The following MIPEP variants were observed in gnomAD, a reference collection of about 807,000 sequenced individuals.
MIPEP encodes the protein mitochondrial intermediate peptidase.
Under a neutral mutation model 90.3 loss-of-function variants are expected in MIPEP, and 79 were observed. The observed-to-expected ratio is 0.87, with a 90% confidence interval of 0.73 to 1.05. The LOEUF is 1.05. MIPEP is among the 50% of genes least tolerant of loss of function. MIPEP has a pLI of 0.00. For synonymous variants in MIPEP, 334 were observed against 315.8 expected (o/e 1.06, Z -0.61); for missense variants, 940 against 905.6 (o/e 1.04, Z -0.49).
chr13:23,746,701 C>T (rs1039057076), intron 18 of MIPEP, among the ~76,000 whole-genome samples: 3 of 151,474 alleles, frequency 2.0e-5, no homozygotes, highest in South Asian at 2.1e-4. Flanking sequence ...TCAAAAACAT[C>T]TTATGATGTT....
chr13:23,750,279 C>T (rs753435868), intron 18 of MIPEP, among the ~76,000 whole-genome samples: 2 of 152,128 alleles, frequency 1.3e-5, no homozygotes, highest in South Asian at 2.1e-4. Flanking sequence ...AGTCAGATTG[C>T]CCTGGTACGA....
chr13:23,813,462 T>C (rs898310051), intron 14 of MIPEP, among the ~76,000 whole-genome samples: 5 of 152,202 alleles, frequency 3.3e-5, no homozygotes, highest in Non-Finnish European at 5.9e-5. Context: ...ATAGTTGTTA[T>C]AGTGTATGTT....
At position 23,805,969 on chromosome 13, in the gene MIPEP, A is replaced by G; in HGVS notation, c.1829T>C (p.Leu610Pro). The change falls in exon 16 of 19, where the codon CTA becomes CCA. Residue 610 changes from leucine (L) to proline (P), a missense_variant. By Grantham distance (98) the Leu-to-Pro change is moderately conservative (BLOSUM62 -3). Transcript: ENST00000382172. ...LKETQEKFYG[L>P]PYVPNTAWQL... ...ACTCACAGTATTTGGAACATATGGTAGGCCATAGAATTTCTCTTGTGTTTC... is the reference window on the plus strand; with the variant it reads ...ACTCACAGTATTTGGAACATATGGTGGGCCATAGAATTTCTCTTGTGTTTC... The G allele has an allele frequency of 1.9e-6, 3 of 1,614,014 alleles. No individual in the cohort carries two copies. Among genetic ancestry groups the G allele is most frequent in the Non-Finnish European group, 2.5e-6 (3 of 1,179,902 alleles).
intron 12 of MIPEP, among the ~76,000 whole-genome samples, chr13:23,837,978 T>C (rs148114499): frequency 7.0e-4 from 106 of 152,320 alleles, no homozygotes; most frequent in African/African-American, 2.4e-3. Context: ...TCAGTTTCTA[T>C]GGATTAACTC....
intron 14 of MIPEP, among the ~76,000 whole-genome samples, chr13:23,829,877 C>A (rs1297040720): frequency 6.6e-6 from 1 of 152,164 alleles, no homozygotes; most frequent in African/African-American, 2.4e-5. Context: ...AATCAGAGAA[C>A]ACTGCTGCTA....
intron 17 of MIPEP, 21 bp downstream of exon 17, chr13:23,760,075 T>G (rs1302941404): frequency 6.2e-7 from 1 of 1,613,740 alleles, no homozygotes; most frequent in African/African-American, 1.3e-5. Context: ...GATGGGGACA[T>G]TTTAGAACTT....
intron 7 of MIPEP, among the ~76,000 whole-genome samples, chr13:23,869,028 A>C (rs912918756): frequency 5.3e-5 from 8 of 152,354 alleles, no homozygotes; most frequent in African/African-American, 7.2e-5. Context: ...AAATGAAAAC[A>C]ATTTAGACTA....
Position 23,874,912 on chromosome 13 carries a change from A to G in MIPEP, c.540-3T>C, listed in dbSNP as rs750775938. ...ACATAAACAGTTCAGCCACTCGCCT[A>G]TAAATGAAATGAGCCCCAGGTTATA... On this transcript the variant is annotated splice_polypyrimidine_tract_variant and splice_region_variant and intron_variant, in intron 4 of 18. Coordinates refer to ENST00000382172, the MANE Select transcript of MIPEP (RefSeq NM_005932.4). 6.3e-6 allele frequency: 10 copies of G among 1,597,784 alleles called. No homozygotes were observed. Among genetic ancestry groups the G allele is most frequent in the Non-Finnish European group, 8.5e-6 (10 of 1,175,316 alleles).
intron 1 of MIPEP, chr13:23,888,007 A>AT (rs1242522842): frequency 2.6e-6 from 1 of 379,464 alleles, no homozygotes; most frequent in African/African-American, 2.1e-5. Flanking sequence ...ATTACCAGTG[A>AT]CCATAATGCT....
At chr13:23,861,750 A>G (rs1202100738) in intron 9 of MIPEP, among the ~76,000 whole-genome samples, 3 of 152,154 alleles carry the variant, frequency 2.0e-5, no homozygotes, top group Admixed American at 1.3e-4. Context: ...CACTCCCCCA[A>G]TCACCTGGGC....
chr13:23,741,238 A>G (rs1225156575), intron 18 of MIPEP, among the ~76,000 whole-genome samples: 1 of 152,238 alleles, frequency 6.6e-6, no homozygotes, highest in African/African-American at 2.4e-5. Flanking sequence ...AAATTAGTTC[A>G]GCCATTGTGG....
At chr13:23,873,490 A>G (rs1406514446) in intron 5 of MIPEP, among the ~76,000 whole-genome samples, 1 of 152,232 alleles carries the variant, frequency 6.6e-6, no homozygotes, top group African/African-American at 2.4e-5. Context: ...GGTCTAAAAA[A>G]AGCCAGGAAT....
At chr13:23,752,570 T>C (rs947382328) in intron 18 of MIPEP, among the ~76,000 whole-genome samples, 17 of 152,236 alleles carry the variant, frequency 1.1e-4, no homozygotes, top group Non-Finnish European at 2.2e-4. Flanking sequence ...CATATCATCA[T>C]GGTTTATTTT....
intron 4 of MIPEP, among the ~76,000 whole-genome samples, chr13:23,876,188 A>G (rs545799268): frequency 3.9e-5 from 6 of 152,182 alleles, no homozygotes; most frequent in Non-Finnish European, 8.8e-5. Context: ...AGGATCCATC[A>G]TCCCAAACCA....
At chr13:23,839,376 T>C (rs144521599) in intron 12 of MIPEP, among the ~76,000 whole-genome samples, 175 of 152,308 alleles carry the variant, frequency 1.1e-3, no homozygotes, top group Non-Finnish European at 1.4e-3. Flanking sequence ...AGTGCACTGT[T>C]TGGCACAAAT....
chr13:23,882,105 C>G (rs1280488164), intron 2 of MIPEP, among the ~76,000 whole-genome samples: 1 of 149,150 alleles, frequency 6.7e-6, no homozygotes, highest in Non-Finnish European at 1.5e-5. Context: ...AGTCTTGCTC[C>G]GTCGCCCAGG....
chr13:23,741,141 T>C (rs1952323701), intron 18 of MIPEP, among the ~76,000 whole-genome samples: 1 of 152,210 alleles, frequency 6.6e-6, no homozygotes, highest in East Asian at 1.9e-4. Flanking sequence ...CCAGTCACAA[T>C]GGTTATTAGT....
intron 10 of MIPEP, among the ~76,000 whole-genome samples, chr13:23,843,524 A>G (rs746166374): frequency 6.6e-6 from 1 of 152,274 alleles, no homozygotes; most frequent in Admixed American, 6.5e-5. Context: ...AGACATTTTT[A>G]TAAGTTGAGA....
Position 23,886,540 on chromosome 13 carries a change from A to G in MIPEP, c.190-34T>C. The G allele has an allele frequency of 2.0e-6, 3 of 1,481,016 alleles. No homozygotes were observed. In the South Asian group the frequency reaches 4.2e-5, roughly 21 times the overall value. The allele number at this position is 1,481,016 out of a possible 1,614,324, so 91.7% of individuals were successfully genotyped here. A position where few individuals can be genotyped will look rare whatever the true frequency, so the allele number is the denominator to read the frequency against. On this transcript the variant is annotated intron_variant, in intron 1 of 18. Transcript: ENST00000382172. The stretch of plus-strand genomic sequence containing the variant: ...CAAAGAATACGTCTGATTTATAACC[A>G]AAATTCAAAATTGTGCTTTTTTTAT...
Sources: gnomAD v4.1 joint callset for allele counts (sites outside exome capture counted in the v4.1 genomes callset) on GRCh38, gnomAD v4.1.1 for gene constraint, MANE v1.5 for transcripts, NCBI Gene and HGNC (gene_info 2026-07-23, HGNC 2026-07-21) for gene names.